CTNNA2: variants seen among roughly 807,000 people sequenced by gnomAD.
The protein encoded by CTNNA2 is catenin alpha 2, also known as catenin alpha-2.
In CTNNA2, 42 loss-of-function variants were observed where a neutral mutation model predicts 101.0. The observed-to-expected ratio is 0.42, with a 90% CI of 0.32 to 0.54. CTNNA2 has a LOEUF of 0.54. Among genes scored for constraint, CTNNA2 ranks in the 20% least tolerant of loss-of-function variants. The probability of loss-of-function intolerance (pLI) is 0.14; values close to 1 mark genes in which losing one functional copy is unlikely to be tolerated. For missense variants in CTNNA2, 871 were observed against 1,223.1 expected, an observed-to-expected ratio of 0.71 and a Z score of 4.29; for synonymous variants, 450 against 456.4, an observed-to-expected ratio of 0.99 and a Z score of 0.18.
At chr2:80,265,168 T>C (rs868559732) in intron 7 of CTNNA2, among the ~76,000 whole-genome samples, 2 of 151,928 alleles carry the variant, frequency 1.3e-5, no homozygotes, top group Non-Finnish European at 1.5e-5. Flanking sequence ...AGAGACAGGG[T>C]TTCACCATGT....
At chr2:79,539,633 T>C in intron 1 of CTNNA2, among the ~76,000 whole-genome samples, 1 of 152,204 alleles carries the variant, frequency 6.6e-6, no homozygotes, top group East Asian at 1.9e-4. Context: ...GAAATGCTAC[T>C]TTTACCCCCA....
intron 1 of CTNNA2, among the ~76,000 whole-genome samples, chr2:79,642,236 G>A (rs540646624): frequency 2.0e-5 from 3 of 152,114 alleles, no homozygotes; most frequent in Non-Finnish European, 4.4e-5. Context: ...TTGTTAAAAG[G>A]TGTGGCTTTA....
upstream of CTNNA2, among the ~76,000 whole-genome samples, chr2:79,509,401 T>C (rs1302193389): frequency 6.6e-6 from 1 of 152,080 alleles, no homozygotes; most frequent in Non-Finnish European, 1.5e-5. Flanking sequence ...TTGTGGTAAA[T>C]AGAGACAACT....
intron 7 of CTNNA2, among the ~76,000 whole-genome samples, chr2:80,017,334 A>G (rs1409739683): frequency 6.6e-6 from 1 of 152,128 alleles, no homozygotes; most frequent in Non-Finnish European, 1.5e-5. Flanking sequence ...GAATATAATA[A>G]AAGAGTAAAA....
intron 9 of CTNNA2, among the ~76,000 whole-genome samples, chr2:80,482,889 C>G (rs889249917): frequency 6.6e-6 from 1 of 152,220 alleles, no homozygotes; most frequent in Non-Finnish European, 1.5e-5. Context: ...ACAATACTCA[C>G]CATTCCCTGG....
intron 18 of CTNNA2, among the ~76,000 whole-genome samples, chr2:80,632,047 TGAC>T: frequency 6.6e-6 from 1 of 152,114 alleles, no homozygotes; most frequent in Non-Finnish European, 1.5e-5. Context: ...TAAGACCACC[TGAC>T]TGATAAATAA....
chr2:79,900,368 T>C (rs762989465), intron 6 of CTNNA2, among the ~76,000 whole-genome samples: 24 of 152,188 alleles, frequency 1.6e-4, no homozygotes, highest in Non-Finnish European at 3.5e-4. Context: ...TGTTGTTTTG[T>C]TTGGTTTGGG....
Position 79,625,523 on chromosome 2 carries a change from T to C in CTNNA2, c.-5-26029T>C, listed in dbSNP as rs1679249045. 2.6e-5 allele frequency among the ~76,000 whole-genome samples: 4 copies of C among 152,338 alleles called. 1 individual carries two copies. The South Asian group carries it at 8.3e-4, about 32-fold the overall frequency. ...TTTCAGTTTTATAGCTACATGTTTG[T>C]ATGCCTCGCATGCAGATAAAACATG... On this transcript the variant is annotated intron_variant, in intron 1 of 18. Transcript: ENST00000402739.
In CTNNA2 at chr2:79,777,849, C is replaced by T. The variant is rs575798662; in HGVS notation, c.298+33267C>T. Among the ~76,000 whole-genome samples the T allele has an allele frequency of 2.6e-5, 4 of 151,162 alleles. No individual in the cohort carries two copies. The East Asian group carries it at 7.8e-4, about 29-fold the overall frequency. On this transcript the variant is annotated intron_variant, in intron 3 of 18. Coordinates refer to ENST00000402739, the MANE Select transcript of CTNNA2 (RefSeq NM_001282597.3). ...ATAGATATTTGTAAAGAGGAAATGT[C>T]CAGGTAGCAAAGATCCACCAGTCAT...
chr2:80,314,677 A>G (rs1424880568), intron 7 of CTNNA2, among the ~76,000 whole-genome samples: 1 of 152,198 alleles, frequency 6.6e-6, no homozygotes, highest in Non-Finnish European at 1.5e-5. Context: ...TGTAAGGATG[A>G]TGCTGTCTGC....
intron 6 of CTNNA2, among the ~76,000 whole-genome samples, chr2:79,899,362 C>T (rs1051978995): frequency 3.9e-5 from 6 of 152,110 alleles, no homozygotes; most frequent in African/African-American, 1.2e-4. Flanking sequence ...AGAGAATGTG[C>T]TCCTGAAATG....
intron 2 of CTNNA2, among the ~76,000 whole-genome samples, chr2:79,729,704 C>G (rs1687083911): frequency 6.6e-6 from 1 of 152,048 alleles, no homozygotes; most frequent in Non-Finnish European, 1.5e-5. Flanking sequence ...TCCCGAGAAG[C>G]TTGAGGCCTC....
intron 1 of CTNNA2, among the ~76,000 whole-genome samples, chr2:79,558,035 A>C (rs17017256): frequency 0.019 from 2,813 of 152,048 alleles, 94 homozygotes; most frequent in African/African-American, 0.063. Context: ...TACATACGTA[A>C]ACGTTCACAA....
intron 1 of CTNNA2, chr2:79,636,799 T>C (rs1292145942): frequency 6.6e-6 from 1 of 152,200 alleles, no homozygotes; most frequent in Non-Finnish European, 1.5e-5. Context: ...ACTTTTTCTA[T>C]ATGCAAATAT....
At chr2:79,989,505 T>A (rs548770667) in intron 7 of CTNNA2, among the ~76,000 whole-genome samples, 1 of 152,082 alleles carries the variant, frequency 6.6e-6, no homozygotes, top group Non-Finnish European at 1.5e-5. Flanking sequence ...CATGATGGCA[T>A]GCACCTGTGT....
At chr2:79,424,178 G>A (rs1377915820) in intron 4 of CTNNA2, among the ~76,000 whole-genome samples, 1 of 152,094 alleles carries the variant, frequency 6.6e-6, no homozygotes, top group Non-Finnish European at 1.5e-5. Flanking sequence ...GGGAATCATA[G>A]TTCTTTCCTG....
At chr2:79,924,134 T>C (rs1686863546) in intron 7 of CTNNA2, among the ~76,000 whole-genome samples, 2 of 152,082 alleles carry the variant, frequency 1.3e-5, no homozygotes, top group African/African-American at 4.8e-5. Context: ...TATTCAGTCT[T>C]TAAAAAAAAG....
chr2:79,211,258 C>G (rs1407095031), intron 2 of CTNNA2, among the ~76,000 whole-genome samples: 2 of 152,144 alleles, frequency 1.3e-5, no homozygotes, highest in African/African-American at 4.8e-5. Flanking sequence ...AAGTCTCCGG[C>G]ACACTGTACA....
intron 3 of CTNNA2, chr2:79,340,079 C>T (rs112492375): frequency 3.8e-4 from 58 of 151,982 alleles, no homozygotes; most frequent in African/African-American, 1.3e-3. Flanking sequence ...CAAAGGACAC[C>T]GACAGGAATA....
Sources: allele counts gnomAD v4.1 joint callset (sites outside exome capture counted in the v4.1 genomes callset), GRCh38; gene constraint gnomAD v4.1.1; transcripts MANE v1.5; gene names NCBI Gene and HGNC (gene_info 2026-07-23, HGNC 2026-07-21).